The following EML6 variants were observed in gnomAD, a reference collection of about 807,000 sequenced individuals.
The protein encoded by EML6 is echinoderm microtubule-associated protein-like 6.
EML6 carries 154 observed loss-of-function variants against 240.1 expected under a neutral mutation model. The ratio of observed to expected loss-of-function variants is 0.64; its 90% CI spans 0.56 to 0.73. EML6 has a LOEUF of 0.73. EML6 is among the 30% of genes least tolerant of loss of function. EML6 has a pLI of 0.00. For missense variants in EML6, 2,964 were observed against 2,474.6 expected, an observed-to-expected ratio of 1.20 and a Z score of -4.20; for synonymous variants, 1,148 against 899.0, an observed-to-expected ratio of 1.28 and a Z score of -4.95.
Position 54,846,421 on chromosome 2 carries a change from A to G in EML6, c.1050-1065A>G, listed in dbSNP as rs918312562. On this transcript the variant is annotated intron_variant, in intron 8 of 41. Transcript: ENST00000356458. ...GATATATATTTATATTGATCTATAT[A>G]TTGAGAGATATATATTTGTGTTGAT... 2.6e-5 allele frequency among the ~76,000 whole-genome samples: 4 copies of G among 151,552 alleles called. No individual in the cohort carries two copies. In the East Asian group the frequency reaches 7.7e-4, roughly 29 times the overall value.
At chr2:54,926,478 C>A (rs966043160) in intron 26 of EML6, among the ~76,000 whole-genome samples, 1 of 152,208 alleles carries the variant, frequency 6.6e-6, no homozygotes, top group Non-Finnish European at 1.5e-5. Flanking sequence ...GCAGCAAGTT[C>A]TGATGGGTGT....
At chr2:54,886,786 A>G (rs559451438) in intron 17 of EML6, among the ~76,000 whole-genome samples, 37 of 152,272 alleles carry the variant, frequency 2.4e-4, no homozygotes, top group Middle Eastern at 3.4e-3. Context: ...GTTTTAATAT[A>G]TTTTGAATAT....
chr2:54,952,424 C>A (rs983071050), intron 30 of EML6, among the ~76,000 whole-genome samples, 170 bp from the exon 31 acceptor site: 1 of 151,136 alleles, frequency 6.6e-6, no homozygotes. Context: ...ATGAACATTC[C>A]AAAAAAACGA....
At chr2:54,826,785 T>C (rs898395615) in intron 5 of EML6, among the ~76,000 whole-genome samples, 8 of 152,222 alleles carry the variant, frequency 5.3e-5, no homozygotes, top group Non-Finnish European at 8.8e-5. Flanking sequence ...GAAATATAAC[T>C]CATATTTATG....
chr2:54,787,283 A>T (rs928758229), intron 2 of EML6, among the ~76,000 whole-genome samples: 15 of 84,580 alleles, frequency 1.8e-4, no homozygotes, highest in African/African-American at 1.2e-3. Context: ...TGTCAATGAG[A>T]TGGGTGAGGG....
chr2:54,731,376 A>G (rs1183567839), intron 2 of EML6, among the ~76,000 whole-genome samples: 1 of 151,928 alleles, frequency 6.6e-6, no homozygotes, highest in African/African-American at 2.4e-5. Context: ...GTCCAGGCTC[A>G]CTCCTGTCAT....
Position 54,964,593 on chromosome 2 carries a change from T to G in EML6, c.5353T>G (p.Leu1785Val). The change falls in exon 38 of 42, where the codon TTA (leucine) becomes GTA (valine). Residue 1785 changes from leucine to valine, a missense_variant. Leu to Val is a conservative substitution (Grantham distance 32, BLOSUM62 1). Transcript: ENST00000356458. ...TAGAATCAGCCCAGACAACCGATTC[T>G]TAGCCGTTGGTTCTTCTGAACACAC... ...DIRISPDNRF[L>V]AVGSSEHTVD... 3 of 1,552,420 alleles carry G rather than the reference T, an allele frequency of 1.9e-6. No individual in the cohort carries two copies. The highest frequency in any genetic ancestry group is 2.6e-6 in the Non-Finnish European group (3 of 1,147,136).
chr2:54,799,005 G>T (rs1203390283), intron 2 of EML6, among the ~76,000 whole-genome samples: 1 of 152,122 alleles, frequency 6.6e-6, no homozygotes, highest in Non-Finnish European at 1.5e-5. Flanking sequence ...TTGTTAACCA[G>T]CAAATCTACA....
At chr2:54,932,794 G>A (rs1337391611) in intron 28 of EML6, among the ~76,000 whole-genome samples, 1 of 152,112 alleles carries the variant, frequency 6.6e-6, no homozygotes, top group Admixed American at 6.5e-5. Flanking sequence ...AATCCCTAAG[G>A]TTTGCTTGGT....
chr2:54,819,046 G>C (rs187870119), intron 4 of EML6, among the ~76,000 whole-genome samples: 74 of 152,324 alleles, frequency 4.9e-4, no homozygotes, highest in Non-Finnish European at 8.5e-4. Flanking sequence ...ACGTAGAGAA[G>C]ATGAGGTTAA....
At chr2:54,787,298 G>C (rs559183261) in intron 2 of EML6, among the ~76,000 whole-genome samples, 256 of 152,154 alleles carry the variant, frequency 1.7e-3, no homozygotes, top group East Asian at 7.3e-3. Context: ...TGAGGGTTGG[G>C]GGGGGGTCTT....
chr2:54,875,100 G>A (rs938936148), intron 16 of EML6, among the ~76,000 whole-genome samples: 2 of 152,136 alleles, frequency 1.3e-5, no homozygotes, highest in South Asian at 4.1e-4. Flanking sequence ...TGCTACCTGT[G>A]CCCTCCAGTA....
At chr2:54,870,618 T>G (rs979946081) in intron 15 of EML6, among the ~76,000 whole-genome samples, 9 of 152,364 alleles carry the variant, frequency 5.9e-5, no homozygotes, top group Admixed American at 2.6e-4. Flanking sequence ...TTATTTTTTG[T>G]CTGTCTTATA....
At chr2:54,810,189 T>C (rs939189422) in intron 2 of EML6, among the ~76,000 whole-genome samples, 19 of 152,084 alleles carry the variant, frequency 1.2e-4, no homozygotes, top group African/African-American at 4.3e-4. Flanking sequence ...TAACAAACAG[T>C]GTGAAGGAAC....
chr2:54,836,931 G>A (rs1408825698), intron 7 of EML6, among the ~76,000 whole-genome samples: 2 of 152,058 alleles, frequency 1.3e-5, no homozygotes, highest in Non-Finnish European at 2.9e-5. Context: ...TCCCTGCAAG[G>A]CCCAGAGCTC....
chr2:54,727,603 A>G (rs1682968020), intron 2 of EML6, among the ~76,000 whole-genome samples: 1 of 152,220 alleles, frequency 6.6e-6, no homozygotes, highest in Admixed American at 6.5e-5. Flanking sequence ...GAAGTTTGTT[A>G]TTAAATGGAG....
chr2:54,907,908 A>T (rs1224666784), intron 24 of EML6, among the ~76,000 whole-genome samples: 2 of 47,382 alleles, frequency 4.2e-5, no homozygotes, highest in Admixed American at 2.0e-4. Context: ...GATTAGATAG[A>T]TAGATAGATA....
rs1353069354 is a variant in EML6, at chr2:54,844,138, A to C, written c.939A>C (p.Arg313=). 6.4e-7 allele frequency: 1 copy of C among 1,551,704 alleles called. No individual in the cohort carries two copies. Among genetic ancestry groups the C allele is most frequent in the South Asian group, 1.2e-5 (1 of 84,064 alleles). The change falls in exon 8 of 42, where the codon CGA becomes CGC. Residue 313 remains arginine, a synonymous_variant. Coordinates refer to ENST00000356458, the MANE Select transcript of EML6 (RefSeq NM_001039753.4). ...TATTTGAAGTGATTGTGCGAGAGCG[A>C]GACAAGCCGATGTTGATCCTACAGG... ...SEIFEVIVRE[R]DKPMLILQGH... is the part of the protein sequence containing the mutation.
chr2:54,847,768 T>G, intron 9 of EML6, 145 bp downstream of exon 9: 1 of 925,972 alleles, frequency 1.1e-6, no homozygotes. Context: ...ATCCCCTATC[T>G]GTAATTCTGA....
Sources: gnomAD v4.1 joint callset for allele counts (sites outside exome capture counted in the v4.1 genomes callset) on GRCh38, gnomAD v4.1.1 for gene constraint, MANE v1.5 for transcripts, NCBI Gene and HGNC (gene_info 2026-07-23, HGNC 2026-07-21) for gene names.